The following PIEZO1 variants were observed in gnomAD, a reference collection of about 807,000 sequenced individuals.
PIEZO1 encodes piezo type mechanosensitive ion channel component 1 (Er blood group).
PIEZO1 carries 296 observed loss-of-function variants against 297.2 expected under a neutral mutation model. The ratio of observed to expected loss-of-function variants is 1.00; its 90% CI spans 0.91 to 1.10. PIEZO1 has a LOEUF of 1.10. PIEZO1 is among the 50% of genes least tolerant of loss of function. The pLI is 0.00. For missense variants in PIEZO1, 5,018 were observed against 3,455.5 expected, an observed-to-expected ratio of 1.45 and a Z score of -11.34; for synonymous variants, 2,427 against 1,507.5, an observed-to-expected ratio of 1.61 and a Z score of -14.13.
intron 1 of PIEZO1, among the ~76,000 whole-genome samples, chr16:88,782,524 C>T (rs551834200): frequency 6.6e-6 from 1 of 152,280 alleles, no homozygotes; most frequent in East Asian, 1.9e-4. Context: ...CAGCTCCCTG[C>T]CAGATTTTTG....
rs893914440 is a variant in PIEZO1 at position 88,721,058 on chromosome 16, G to A, written c.5668+108C>T. ...GAAGTGGCACCTTCCTGGGATCCAG[G>A]TGGGCCTCGCACTGGGCTTGGCCGT... On this transcript the variant is annotated intron_variant, in intron 39 of 50. Transcript: ENST00000301015. 63 of 1,153,340 alleles carry A rather than the reference G, an allele frequency of 5.5e-5. No homozygotes were observed. The Middle Eastern group carries it at 1.1e-3, about 21-fold the overall frequency. The allele number at this position is 1,153,340 out of a possible 1,614,324, so 71.4% of individuals were successfully genotyped here. A position where few individuals can be genotyped will look rare whatever the true frequency, so the allele number is the denominator to read the frequency against.
chr16:88,721,079 G>A, intron 39 of PIEZO1, 87 bp downstream of exon 39: 1 of 1,319,962 alleles, frequency 7.6e-7, no homozygotes, highest in South Asian at 1.5e-5. Context: ...ACTGGGCTTG[G>A]CCGTCTCATC....
At chr16:88,725,944 G>A in intron 27 of PIEZO1, 1 of 567,928 alleles carries the variant, frequency 1.8e-6, no homozygotes, top group Non-Finnish European at 3.1e-6. Context: ...GGCAAAGCTG[G>A]CCCCAAGCCA....
Position 88,784,975 on chromosome 16 carries a change from C to G in PIEZO1, c.-11G>C. ...CACGTGCGGCTCCATGGCTGGAGGG[C>G]CCAGGGCCCGGCCCAGACCGAGCGG... is the stretch of plus-strand genomic sequence containing the variant. On this transcript the variant is annotated 5_prime_UTR_variant, in exon 1 of 51. Coordinates refer to ENST00000301015, the MANE Select transcript of PIEZO1 (RefSeq NM_001142864.4). 1.5e-6 allele frequency: 2 copies of G among 1,333,956 alleles called. No homozygotes were observed. The highest frequency in any genetic ancestry group is 1.9e-6 in the Non-Finnish European group (2 of 1,033,802). The allele number at this position is 1,333,956 out of a possible 1,614,324, so 82.6% of individuals were successfully genotyped here. A position where few individuals can be genotyped will look rare whatever the true frequency, so the allele number is the denominator to read the frequency against.
Position 88,737,596 on chromosome 16 carries a change from G to A in PIEZO1, c.1158C>T (p.His386=), listed in dbSNP as rs534085974. 9.1e-6 allele frequency: 14 copies of A among 1,534,686 alleles called. No individual in the cohort carries two copies. The highest frequency in any genetic ancestry group is 1.4e-5 in the African/African-American group (1 of 73,108). ...GGACGGAGCTCTGGCCGGTCAGCTC[G>A]TGCACGATGCAGTTATCAGCCTCGG... ...PDTEADNCIV[H]ELTGQSSVLR... is the part of the protein sequence containing the mutation. Residue 386 remains histidine, a synonymous_variant, in exon 10 of 51, where the codon CAC becomes CAT. Transcript: ENST00000301015.
intron 2 of PIEZO1, among the ~76,000 whole-genome samples, chr16:88,748,762 A>G (rs561730676): frequency 6.6e-6 from 1 of 152,204 alleles, no homozygotes; most frequent in Admixed American, 6.5e-5. Context: ...CTTGGGGTCT[A>G]CAATGAAAAT....
Position 88,715,959 on chromosome 16 carries a change from C to T in PIEZO1, c.7290G>A (p.Pro2430=), listed in dbSNP as rs746887019. 3.7e-5 allele frequency: 57 copies of T among 1,549,752 alleles called. No homozygotes were observed. The South Asian group carries it at 3.9e-4, about 11-fold the overall frequency. Residue 2430 remains proline (P), a synonymous_variant, in exon 50 of 51, where the codon CCG becomes CCA. Transcript: ENST00000301015. ...CGTAGCCAGCCAGGAAGCCGAGGCT[C>T]GGTGGGCTGACCTTGTCACTGAAAA... The part of the protein sequence containing the change: ...MVIFSDKVSP[P]SLGFLAGYGI...
At chr16:88,732,194 G>T in intron 21 of PIEZO1, 141 bp downstream of exon 21, 2 of 688,970 alleles carry the variant, frequency 2.9e-6, no homozygotes, top group Non-Finnish European at 2.5e-6. Context: ...CAGGGAAGCC[G>T]TGCCTGGCCC....
chr16:88,783,602 G>A (rs1018538536), intron 1 of PIEZO1, among the ~76,000 whole-genome samples: 3 of 152,176 alleles, frequency 2.0e-5, no homozygotes, highest in Non-Finnish European at 4.4e-5. Flanking sequence ...TTGTTTTCAA[G>A]GCACAGGAAG....
chr16:88,717,048 A>C lies in PIEZO1; in HGVS notation c.6635T>G (p.Val2212Gly). The C allele has an allele frequency of 6.4e-7, 1 of 1,550,798 alleles. No individual in the cohort carries two copies. The highest frequency in any genetic ancestry group is 8.7e-7 in the Non-Finnish European group (1 of 1,147,018). ...CTCATAGCCGCCCAGCTTCAGGGTGACGGTGACATCGATGGGCTGGTTGAC... is the reference window on the plus strand; with the variant it reads ...CTCATAGCCGCCCAGCTTCAGGGTGCCGGTGACATCGATGGGCTGGTTGAC... ...GVVNQPIDVT[V>G]TLKLGGYEPL... The change falls in exon 45 of 51, where the codon GTC becomes GGC. Residue 2212 changes from valine to glycine, a missense_variant. Val to Gly is a moderately radical substitution (Grantham distance 109). Coordinates refer to ENST00000301015, the MANE Select transcript of PIEZO1 (RefSeq NM_001142864.4).
intron 22 of PIEZO1, among the ~76,000 whole-genome samples, chr16:88,728,107 G>A (rs897286921): frequency 2.0e-5 from 3 of 152,266 alleles, no homozygotes; most frequent in African/African-American, 4.8e-5. Flanking sequence ...AGCCTAGACA[G>A]ACCTCAGTGT....
chr16:88,777,860 T>C (rs1276180239), intron 1 of PIEZO1, among the ~76,000 whole-genome samples: 2 of 151,966 alleles, frequency 1.3e-5, no homozygotes, highest in Non-Finnish European at 2.9e-5. Context: ...CGCCTGTGCC[T>C]TCCTTCGAGG....
At chr16:88,771,591 G>C (rs140037464) in intron 1 of PIEZO1, among the ~76,000 whole-genome samples, 2,445 of 152,334 alleles carry the variant, frequency 0.016, 49 homozygotes, top group African/African-American at 0.055. Flanking sequence ...CCCTATGACA[G>C]TGTCCAGCGG....
chr16:88,749,292 T>C, intron 2 of PIEZO1, 92 bp downstream of exon 2: 2 of 780,126 alleles, frequency 2.6e-6, no homozygotes, highest in South Asian at 4.2e-5. Context: ...CCCCGGGCTG[T>C]TAAAGGTGAG....
chr16:88,766,351 T>C (rs995496751), intron 1 of PIEZO1, among the ~76,000 whole-genome samples: 1 of 152,186 alleles, frequency 6.6e-6, no homozygotes, highest in South Asian at 2.1e-4. Flanking sequence ...ACAGCGGCTC[T>C]TGACAGCCAG....
chr16:88,723,427 G>A, intron 31 of PIEZO1, 99 bp from the exon 32 acceptor site: 2 of 1,362,402 alleles, frequency 1.5e-6, no homozygotes, highest in Non-Finnish European at 1.0e-6. Flanking sequence ...CCAGATCCCT[G>A]CTCTGTGTCT....
chr16:88,757,448 A>C (rs1906731442), intron 1 of PIEZO1, among the ~76,000 whole-genome samples: 1 of 151,938 alleles, frequency 6.6e-6, no homozygotes, highest in South Asian at 2.1e-4. Context: ...ACAGGTCTCC[A>C]AAAGGACTGA....
chr16:88,726,195 G>C, intron 27 of PIEZO1, 89 bp downstream of exon 27: 1 of 1,154,526 alleles, frequency 8.7e-7, no homozygotes, highest in Non-Finnish European at 1.2e-6. Flanking sequence ...GCCCTCCACG[G>C]GCCGGGGCCT....
At position 88,722,017 on chromosome 16, in the gene PIEZO1, G is replaced by A; in HGVS notation, c.5005C>T (p.Gln1669Ter). The change falls in exon 37 of 51, where the codon CAG becomes TAG. Residue 1669 changes from glutamine (Q) to a stop codon, truncating the protein, a stop_gained. Transcript: ENST00000301015. LOFTEE classifies it high-confidence loss of function. ...CGCAGCAGCCGCAGCGCCCGGCCCT[G>A]CCCCTCCGCAAACAGCTCTGCCTCC... The part of the protein sequence containing the change: ...LEEAELFAEG[Q>*]GRALRLLRAV... The A allele has an allele frequency of 6.5e-7, 1 of 1,548,552 alleles. No homozygotes were observed. The highest frequency in any genetic ancestry group is 8.7e-7 in the Non-Finnish European group (1 of 1,146,648).
Sources: allele counts gnomAD v4.1 joint callset (sites outside exome capture counted in the v4.1 genomes callset), GRCh38; gene constraint gnomAD v4.1.1; transcripts MANE v1.5; gene names NCBI Gene and HGNC (gene_info 2026-07-23, HGNC 2026-07-21).